Variants in FGD4 observed in about 807,000 individuals in gnomAD.
FGD4 encodes the protein FYVE, RhoGEF and PH domain containing 4.
In FGD4, 42 loss-of-function variants were observed where a neutral mutation model predicts 102.0. The ratio of observed to expected loss-of-function variants is 0.41; its 90% CI spans 0.32 to 0.53. The LOEUF is 0.53. Among genes scored for constraint, FGD4 ranks in the 20% least tolerant of loss-of-function variants. FGD4 has a pLI of 0.21. For missense variants in FGD4, 902 were observed against 1,078.2 expected, an observed-to-expected ratio of 0.84 and a Z score of 2.29; for synonymous variants, 380 against 375.7, an observed-to-expected ratio of 1.01 and a Z score of -0.13.
chr12:32,623,499 C>T (rs1037976383), intron 11 of FGD4, among the ~76,000 whole-genome samples: 10 of 152,092 alleles, frequency 6.6e-5, no homozygotes, highest in East Asian at 3.8e-4. Flanking sequence ...AAAGATAGAT[C>T]GTGACACACA....
intron 2 of FGD4, among the ~76,000 whole-genome samples, chr12:32,568,699 G>T (rs540073109): frequency 2.3e-4 from 35 of 152,172 alleles, no homozygotes; most frequent in African/African-American, 7.5e-4. Flanking sequence ...CTATTCATTT[G>T]CTTCTAAAGT....
chr12:32,416,118 C>T (rs1941402873), intron 1 of FGD4, among the ~76,000 whole-genome samples: 1 of 152,096 alleles, frequency 6.6e-6, no homozygotes, highest in African/African-American at 2.4e-5. Flanking sequence ...CTTCAGCCTT[C>T]CAAGTAAAGT....
intron 1 of FGD4, among the ~76,000 whole-genome samples, chr12:32,529,156 C>G (rs1357763857): frequency 6.6e-6 from 1 of 152,096 alleles, no homozygotes; most frequent in Non-Finnish European, 1.5e-5. Flanking sequence ...CACTCTGTCC[C>G]CAGGCTGGAG....
At chr12:32,584,946 C>T (rs974264260) in intron 4 of FGD4, among the ~76,000 whole-genome samples, 2 of 152,018 alleles carry the variant, frequency 1.3e-5, no homozygotes, top group Admixed American at 1.3e-4. Flanking sequence ...CAGCCGGGTG[C>T]GGTGGCTCAC....
chr12:32,520,291 AAG>A lies in FGD4; in HGVS notation c.167-43842_167-43841del, dbSNP rs755378512. The stretch of plus-strand genomic sequence containing the variant: ...TAAATAAACGAATACAAGAGCTTTA[AAG>A]AGATTTTAAATGTTTTTGAGTTTTA... On this transcript the variant is annotated intron_variant, in intron 1 of 16. Coordinates refer to ENST00000534526, the MANE Select transcript of FGD4 (RefSeq NM_001370298.3). 1.1e-3 allele frequency among the ~76,000 whole-genome samples: 166 copies of A among 152,296 alleles called. 1 individual carries two copies. The highest frequency in any genetic ancestry group is 0.01 in the Middle Eastern group (3 of 294).
At chr12:32,455,706 G>A (rs1217561732) in intron 1 of FGD4, among the ~76,000 whole-genome samples, 1 of 152,036 alleles carries the variant, frequency 6.6e-6, no homozygotes, top group Non-Finnish European at 1.5e-5. Flanking sequence ...TGTACCTTTG[G>A]CCTCTAGGAG....
intron 1 of FGD4, 106 bp from the exon 2 acceptor site, chr12:32,564,024 AGAGGGAG>A: frequency 1.2e-6 from 1 of 826,454 alleles, no homozygotes; most frequent in Admixed American, 3.9e-5. Context: ...GGGGAGAGGG[AGAGGGAG>A]GGGGAGGGGG....
intron 1 of FGD4, among the ~76,000 whole-genome samples, chr12:32,475,329 A>T (rs1296633990): frequency 6.6e-6 from 1 of 152,200 alleles, no homozygotes; most frequent in African/African-American, 2.4e-5. Context: ...TTTACCATAG[A>T]TGTCTTAGGG....
intron 1 of FGD4, among the ~76,000 whole-genome samples, chr12:32,546,728 C>T (rs766273647): frequency 2.0e-5 from 3 of 152,054 alleles, no homozygotes; most frequent in Non-Finnish European, 4.4e-5. Flanking sequence ...AAGAGAATGT[C>T]GAAGAGTCTA....
intron 2 of FGD4, among the ~76,000 whole-genome samples, chr12:32,565,602 C>T (rs899931336): frequency 6.6e-6 from 1 of 152,120 alleles, no homozygotes; most frequent in Non-Finnish European, 1.5e-5. Flanking sequence ...CTTAAAAAGC[C>T]TTTATTTTTG....
chr12:32,619,636 A>C, intron 10 of FGD4, 62 bp from the exon 11 acceptor site: 1 of 1,595,154 alleles, frequency 6.3e-7, no homozygotes. Flanking sequence ...TGTCTCAAAA[A>C]AAAACCTGAT....
chr12:32,481,421 G>T (rs1943761512), intron 1 of FGD4, among the ~76,000 whole-genome samples: 1 of 152,130 alleles, frequency 6.6e-6, no homozygotes, highest in African/African-American at 2.4e-5. Flanking sequence ...GGACCTCTCT[G>T]TCATATTTTT....
At chr12:32,423,672 C>T (rs1941733664) in intron 1 of FGD4, among the ~76,000 whole-genome samples, 1 of 151,238 alleles carries the variant, frequency 6.6e-6, no homozygotes, top group Non-Finnish European at 1.5e-5. Context: ...GCCCCATGGG[C>T]TGCTGGTTGA....
At chr12:32,480,746 T>G (rs573804801) in intron 1 of FGD4, among the ~76,000 whole-genome samples, 2 of 149,560 alleles carry the variant, frequency 1.3e-5, no homozygotes, top group Non-Finnish European at 3.0e-5. Context: ...TGATCCGCCC[T>G]CCTTGGCCCC....
chr12:32,591,055 G>A (rs1432599875), intron 4 of FGD4, among the ~76,000 whole-genome samples: 1 of 152,032 alleles, frequency 6.6e-6, no homozygotes, highest in Admixed American at 6.6e-5. Flanking sequence ...ATAAATTGTG[G>A]TACAAAATCA....
At chr12:32,431,388 G>C (rs1304096235) in intron 1 of FGD4, among the ~76,000 whole-genome samples, 2 of 152,124 alleles carry the variant, frequency 1.3e-5, no homozygotes, top group Non-Finnish European at 2.9e-5. Flanking sequence ...TAGGTCCTGA[G>C]TCCCAGTGTA....
chr12:32,634,239 C>A (rs1307243322), intron 15 of FGD4, among the ~76,000 whole-genome samples: 1 of 152,090 alleles, frequency 6.6e-6, no homozygotes. Context: ...TAATTGGCAT[C>A]TCTTCTTATA....
At chr12:32,638,055 A>G (rs1236932742) in intron 15 of FGD4, among the ~76,000 whole-genome samples, 1 of 152,110 alleles carries the variant, frequency 6.6e-6, no homozygotes, top group African/African-American at 2.4e-5. Context: ...TAGGTATCGC[A>G]TTGTCGTTAA....
At chr12:32,485,919 C>A in intron 1 of FGD4, 1 of 1,269,852 alleles carries the variant, frequency 7.9e-7, no homozygotes, top group Non-Finnish European at 9.9e-7. Flanking sequence ...GTTCCTTGAG[C>A]CTGCATCACT....
Sources: allele counts gnomAD v4.1 joint callset (sites outside exome capture counted in the v4.1 genomes callset), GRCh38; gene constraint gnomAD v4.1.1; transcripts MANE v1.5; gene names NCBI Gene and HGNC (gene_info 2026-07-23, HGNC 2026-07-21).